SGK3: variants seen among roughly 807,000 people sequenced by gnomAD.
The protein encoded by SGK3 is serine/threonine-protein kinase Sgk3.
Under a neutral mutation model 68.5 loss-of-function variants are expected in SGK3, and 47 were observed. That is an observed-to-expected ratio of 0.69 (90% CI 0.54 to 0.87). SGK3 has a LOEUF of 0.87. SGK3 is among the 40% of genes least tolerant of loss of function. The pLI is 0.00. For synonymous variants in SGK3, 181 were observed against 189.1 expected (o/e 0.96, Z 0.35); for missense variants, 479 against 575.5 (o/e 0.83, Z 1.72).
intron 1 of SGK3, among the ~76,000 whole-genome samples, chr8:66,715,475 A>G (rs1804606908): frequency 6.6e-6 from 1 of 152,082 alleles, no homozygotes; most frequent in African/African-American, 2.4e-5. Flanking sequence ...CCAGGCTATT[A>G]TCAAACCCCT....
chr8:66,847,383 A>G, intron 15 of SGK3, 35 bp downstream of exon 15: 1 of 1,600,570 alleles, frequency 6.2e-7, no homozygotes, highest in Non-Finnish European at 8.5e-7. Flanking sequence ...AGCTTTATTT[A>G]AGCTTATTTA....
chr8:66,734,979 A>G (rs1160872084), intron 1 of SGK3, among the ~76,000 whole-genome samples: 1 of 151,872 alleles, frequency 6.6e-6, no homozygotes, highest in Non-Finnish European at 1.5e-5. Context: ...GTACAGTACA[A>G]TAAGATGTTT....
chr8:66,753,684 C>T (rs11992829), intron 1 of SGK3, among the ~76,000 whole-genome samples: 2,598 of 152,014 alleles, frequency 0.017, 74 homozygotes, highest in African/African-American at 0.058. Context: ...ATTAGCTGGG[C>T]GTGGTGGTGC....
intron 1 of SGK3, among the ~76,000 whole-genome samples, chr8:66,739,690 C>CCAG (rs1805425195): frequency 6.6e-6 from 1 of 152,196 alleles, no homozygotes; most frequent in Non-Finnish European, 1.5e-5. Flanking sequence ...GCCACAGTAC[C>CCAG]CAGCCGACAC....
chr8:66,796,349 T>G (rs1807692750), intron 2 of SGK3, among the ~76,000 whole-genome samples: 1 of 133,146 alleles, frequency 7.5e-6, no homozygotes, highest in African/African-American at 3.2e-5. Context: ...TTTTTTTTTT[T>G]TTTAGAAGGG....
intron 16 of SGK3, among the ~76,000 whole-genome samples, chr8:66,856,256 ATGGGGTTCCATCG>A (rs1563663185): frequency 6.6e-6 from 1 of 152,046 alleles, no homozygotes; most frequent in African/African-American, 2.4e-5. Context: ...TTTAGTAGAG[ATGGGGTTCCATCG>A]TGTTAACCAG....
Position 66,804,435 on chromosome 8 carries a change from A to C in SGK3, c.241A>C (p.Asn81His). Residue 81 changes from asparagine (N) to histidine (H), a missense_variant, in exon 4 of 17, where the codon AAT (asparagine) becomes CAT (histidine). This residue lies in a region of SGK3 where 298 missense variants were observed against 329.4 expected (regional missense o/e 0.90). Transcript: ENST00000521198. The stretch of plus-strand genomic sequence containing the variant: ...TCCTGCCAAGAGAATATTTGGTGAT[A>C]ATTTTGATCCAGGTAAGAAACAACT... ...KIPAKRIFGD[N>H]FDPDFIKQRR... is the part of the protein sequence containing the mutation. The C allele has an allele frequency of 6.2e-7, 1 of 1,612,526 alleles. No individual in the cohort carries two copies. The highest frequency in any genetic ancestry group is 8.5e-7 in the Non-Finnish European group (1 of 1,179,424).
At chr8:66,857,788 A>AGT (rs1244850448) in intron 16 of SGK3, among the ~76,000 whole-genome samples, 1,626 of 115,438 alleles carry the variant, frequency 0.014, 16 homozygotes, top group Middle Eastern at 0.024. Context: ...GTCTCAAAAA[A>AGT]GTGTGTGTGT....
At chr8:66,796,743 T>C (rs1171694853) in intron 2 of SGK3, among the ~76,000 whole-genome samples, 1 of 152,134 alleles carries the variant, frequency 6.6e-6, no homozygotes, top group Admixed American at 6.6e-5. Context: ...CTTGACAAAT[T>C]GTGAGTTTCT....
intron 1 of SGK3, among the ~76,000 whole-genome samples, chr8:66,772,253 T>C (rs1183999188): frequency 2.1e-5 from 3 of 144,726 alleles, no homozygotes; most frequent in African/African-American, 7.7e-5. Flanking sequence ...AGGGACCATG[T>C]CTGGTTAATT....
intron 8 of SGK3, among the ~76,000 whole-genome samples, chr8:66,833,110 A>G (rs1322400596): frequency 1.3e-5 from 2 of 151,870 alleles, no homozygotes; most frequent in Non-Finnish European, 1.5e-5. Context: ...GCTTCAAGCA[A>G]TTCTCCTGCC....
At chr8:66,804,948 G>C (rs1808089556) in intron 4 of SGK3, among the ~76,000 whole-genome samples, 1 of 151,988 alleles carries the variant, frequency 6.6e-6, no homozygotes, top group Admixed American at 6.6e-5. Flanking sequence ...GCATGGTGGC[G>C]TGCACCTGTA....
In SGK3 at chr8:66,861,893, G is replaced by T. The variant is rs1161113956; in HGVS notation, c.*2312G>T. The T allele has an allele frequency of 6.6e-6, 1 of 151,988 alleles. No homozygotes were observed. Among genetic ancestry groups the T allele is most frequent in the Non-Finnish European group, 1.5e-5 (1 of 67,992 alleles). The allele number at this position is 151,988 out of a possible 1,614,324, so 9.4% of individuals were successfully genotyped here. A position where few individuals can be genotyped will look rare whatever the true frequency, so the allele number is the denominator to read the frequency against. ...TGATTTTTTGTACTCATTCATTCCT[G>T]TTAAGCTGCCAAAAATTAAAGTGCA... On this transcript the variant is annotated 3_prime_UTR_variant, in exon 17 of 17. Coordinates refer to ENST00000521198, the MANE Select transcript of SGK3 (RefSeq NM_001033578.3).
chr8:66,774,295 G>C (rs968158095), intron 1 of SGK3, among the ~76,000 whole-genome samples: 10 of 152,064 alleles, frequency 6.6e-5, no homozygotes, highest in African/African-American at 1.7e-4. Flanking sequence ...TGCTGGCAAA[G>C]TGAGCCCTTT....
chr8:66,716,163 A>G (rs1804624826), intron 1 of SGK3, among the ~76,000 whole-genome samples: 1 of 151,946 alleles, frequency 6.6e-6, no homozygotes, highest in Non-Finnish European at 1.5e-5. Context: ...TACCTTTTCC[A>G]TTTCTCATGG....
chr8:66,737,017 C>A (rs1401386682), intron 1 of SGK3, among the ~76,000 whole-genome samples: 1 of 151,524 alleles, frequency 6.6e-6, no homozygotes, highest in African/African-American at 2.4e-5. Context: ...GGTTCAAGGG[C>A]TCCTCTTGTT....
intron 1 of SGK3, among the ~76,000 whole-genome samples, chr8:66,730,209 A>G (rs548779202): frequency 2.6e-5 from 4 of 152,246 alleles, no homozygotes; most frequent in East Asian, 3.9e-4. Context: ...CTGAAAGTCT[A>G]TTGATGTTGA....
intron 6 of SGK3, 101 bp from the exon 7 acceptor site, chr8:66,828,553 A>G (rs1391531995): frequency 3.5e-5 from 55 of 1,556,086 alleles, no homozygotes; most frequent in Non-Finnish European, 4.7e-5. Context: ...ATGGCAACAA[A>G]CCAAATATTT....
At chr8:66,832,799 G>T (rs1809355866) in intron 8 of SGK3, among the ~76,000 whole-genome samples, 1 of 151,784 alleles carries the variant, frequency 6.6e-6, no homozygotes, top group Non-Finnish European at 1.5e-5. Flanking sequence ...GTCTTATCAG[G>T]ATTTGGTTCT....
Sources: allele counts gnomAD v4.1 joint callset (sites outside exome capture counted in the v4.1 genomes callset), GRCh38; gene constraint gnomAD v4.1.1; regional missense constraint gnomAD v4.1.1; transcripts MANE v1.5; gene names NCBI Gene and HGNC (gene_info 2026-07-23, HGNC 2026-07-21).